DMRT1: variants seen among roughly 807,000 people sequenced by gnomAD.
DMRT1 encodes the protein doublesex and mab-3 related transcription factor 1.
Under a neutral mutation model 32.3 loss-of-function variants are expected in DMRT1, and 7 were observed. The observed-to-expected ratio is 0.22, with a 90% CI of 0.12 to 0.41. The LOEUF (loss-of-function observed/expected upper bound fraction) is 0.41, where lower values mean the gene tolerates loss of function less well. Ranked by LOEUF, DMRT1 falls within the 10% of genes least tolerant of loss-of-function variation. DMRT1 has a pLI of 1.00. For synonymous variants in DMRT1, 278 were observed against 206.1 expected, an observed-to-expected ratio of 1.35 and a Z score of -2.99; for missense variants, 625 against 500.5, an observed-to-expected ratio of 1.25 and a Z score of -2.37.
At chr9:958,447 A>G (rs1586665455) in intron 4 of DMRT1, among the ~76,000 whole-genome samples, 2 of 151,902 alleles carry the variant, frequency 1.3e-5, no homozygotes, top group African/African-American at 2.4e-5. Context: ...GCTTACTGCA[A>G]CCTCCACCTC....
chr9:914,300 C>T (rs1395936571), intron 3 of DMRT1, among the ~76,000 whole-genome samples: 3 of 151,810 alleles, frequency 2.0e-5, no homozygotes, highest in African/African-American at 2.4e-5. Flanking sequence ...TGTGGCCAGG[C>T]GCGGTGGCTC....
At chr9:880,302 G>A (rs1816679613) in intron 2 of DMRT1, among the ~76,000 whole-genome samples, 1 of 152,114 alleles carries the variant, frequency 6.6e-6, no homozygotes, top group Non-Finnish European at 1.5e-5. Flanking sequence ...GTACTCTGAG[G>A]TACAGATTTG....
chr9:968,197 TG>T lies in DMRT1; in HGVS notation c.*62del. 6.3e-7 allele frequency: 1 copy of T among 1,599,778 alleles called. No individual in the cohort carries two copies. ...AGTAACAGGCTTATTCCACTTTCCA[TG>T]GGGTTTGTTAATATTTTGCATTGAC... On this transcript the variant is annotated 3_prime_UTR_variant, in exon 5 of 5. Coordinates refer to ENST00000382276, the MANE Select transcript of DMRT1 (RefSeq NM_021951.3).
At chr9:861,783 C>A (rs1281587400) in intron 2 of DMRT1, among the ~76,000 whole-genome samples, 1 of 135,960 alleles carries the variant, frequency 7.4e-6, no homozygotes, top group African/African-American at 2.8e-5. Context: ...CTCCCCACTT[C>A]CCAGACGGGG....
Position 842,091 on chromosome 9 carries a change from G to A in DMRT1, c.253G>A (p.Ala85Thr), listed in dbSNP as rs765410506. ...CGCACGCTGCAGGAACCACGGCTAC[G>A]CCTCGCCGCTCAAGGGCCACAAGCG... ...KCARCRNHGY[A>T]SPLKGHKRFC... is the part of the protein sequence containing the mutation. The change falls in exon 1 of 5, where the codon GCC becomes ACC. Residue 85 changes from alanine to threonine, a missense_variant. This residue lies in a region of DMRT1 where 201 missense variants were observed against 152.0 expected (regional missense o/e 1.32). Coordinates refer to ENST00000382276, the MANE Select transcript of DMRT1 (RefSeq NM_021951.3). 2 of 1,546,580 alleles carry A rather than the reference G, an allele frequency of 1.3e-6. No homozygotes were observed. The highest frequency in any genetic ancestry group is 1.7e-6 in the Non-Finnish European group (2 of 1,150,146).
intron 4 of DMRT1, among the ~76,000 whole-genome samples, chr9:932,868 G>T (rs1460478077): frequency 6.6e-6 from 1 of 151,900 alleles, no homozygotes; most frequent in Non-Finnish European, 1.5e-5. Flanking sequence ...CCAAATGGAA[G>T]ATGTGCATGG....
chr9:960,104 C>T (rs944216245), intron 4 of DMRT1, among the ~76,000 whole-genome samples: 1 of 152,040 alleles, frequency 6.6e-6, no homozygotes. Context: ...TTTGCCCTAG[C>T]CTGATTCAGT....
At chr9:936,896 T>C (rs1699333788) in intron 4 of DMRT1, among the ~76,000 whole-genome samples, 2 of 152,362 alleles carry the variant, frequency 1.3e-5, no homozygotes, top group African/African-American at 4.8e-5. Context: ...TCAGTAGCGT[T>C]AAATGCATTC....
At chr9:866,636 A>G (rs1012603273) in intron 2 of DMRT1, among the ~76,000 whole-genome samples, 1 of 152,242 alleles carries the variant, frequency 6.6e-6, no homozygotes, top group African/African-American at 2.4e-5. Context: ...TGATACACTG[A>G]TACCAAATGC....
chr9:938,307 A>G (rs1339323280), intron 4 of DMRT1, among the ~76,000 whole-genome samples: 3 of 152,194 alleles, frequency 2.0e-5, no homozygotes, highest in Non-Finnish European at 4.4e-5. Flanking sequence ...TATTTATGCA[A>G]AAAACAGATT....
chr9:951,177 C>T (rs1316290481), intron 4 of DMRT1, among the ~76,000 whole-genome samples: 4 of 152,092 alleles, frequency 2.6e-5, no homozygotes, highest in African/African-American at 9.7e-5. Flanking sequence ...TGAGAGTTAA[C>T]TGCTAGCAAA....
At chr9:942,288 A>AT (rs1819100213) in intron 4 of DMRT1, among the ~76,000 whole-genome samples, 1 of 151,994 alleles carries the variant, frequency 6.6e-6, no homozygotes, top group African/African-American at 2.4e-5. Context: ...TTTCCTTTTT[A>AT]TTTGAGTCAG....
At chr9:923,579 C>A (rs548013642) in intron 4 of DMRT1, among the ~76,000 whole-genome samples, 3 of 152,004 alleles carry the variant, frequency 2.0e-5, no homozygotes, top group African/African-American at 7.3e-5. Flanking sequence ...TTTTTTCCTG[C>A]GAGGGCTGTG....
intron 4 of DMRT1, among the ~76,000 whole-genome samples, chr9:947,050 A>G (rs1819268785): frequency 6.6e-6 from 1 of 152,212 alleles, no homozygotes; most frequent in Admixed American, 6.5e-5. Context: ...AGAGGCTGTC[A>G]TTACGTCACT....
intron 3 of DMRT1, among the ~76,000 whole-genome samples, chr9:900,945 G>C (rs937317516): frequency 6.6e-6 from 1 of 152,050 alleles, no homozygotes; most frequent in African/African-American, 2.4e-5. Context: ...TCCTGCCTCA[G>C]CCTCTAGAAG....
intron 3 of DMRT1, among the ~76,000 whole-genome samples, chr9:902,118 C>T (rs1348054532): frequency 2.6e-5 from 4 of 151,528 alleles, no homozygotes; most frequent in Non-Finnish European, 5.9e-5. Context: ...CCATGTTGGC[C>T]AGGCTGGTCT....
chr9:933,625 T>C (rs894642066), intron 4 of DMRT1, among the ~76,000 whole-genome samples: 5 of 152,188 alleles, frequency 3.3e-5, no homozygotes, highest in African/African-American at 7.2e-5. Flanking sequence ...CACCATCCAG[T>C]ACAGCAGCTA....
At chr9:862,024 G>A (rs1340922333) in intron 2 of DMRT1, among the ~76,000 whole-genome samples, 19 of 150,788 alleles carry the variant, frequency 1.3e-4, no homozygotes, top group South Asian at 8.4e-4. Context: ...CAGACTGGGC[G>A]GCCGGGCGGA....
At chr9:935,960 A>C (rs1818872252) in intron 4 of DMRT1, among the ~76,000 whole-genome samples, 1 of 152,122 alleles carries the variant, frequency 6.6e-6, no homozygotes, top group African/African-American at 2.4e-5. Flanking sequence ...CCCTCCCATA[A>C]GTGAAATATC....
Sources: gnomAD v4.1 joint callset for allele counts (sites outside exome capture counted in the v4.1 genomes callset) on GRCh38, gnomAD v4.1.1 for gene constraint, gnomAD v4.1.1 regional missense constraint, MANE v1.5 for transcripts, NCBI Gene and HGNC (gene_info 2026-07-23, HGNC 2026-07-21) for gene names.